The following NCOA1 variants were observed in gnomAD, a reference collection of about 807,000 sequenced individuals.
The protein encoded by NCOA1 is Hin-2 protein.
NCOA1 carries 35 observed loss-of-function variants against 150.9 expected under a neutral mutation model. The ratio of observed to expected loss-of-function variants is 0.23; its 90% CI spans 0.18 to 0.31. NCOA1 has a LOEUF of 0.31. NCOA1 is among the 10% of genes least tolerant of loss of function. NCOA1 has a pLI of 1.00. For missense variants in NCOA1, 1,491 were observed against 1,749.3 expected, an observed-to-expected ratio of 0.85 and a Z score of 2.63; for synonymous variants, 590 against 630.0, an observed-to-expected ratio of 0.94 and a Z score of 0.95.
chr2:24,752,205 C>T, intron 20 of NCOA1, 49 bp downstream of exon 20: 2 of 1,572,988 alleles, frequency 1.3e-6, no homozygotes, highest in Non-Finnish European at 1.7e-6. Flanking sequence ...TGTGATAAAT[C>T]CTTGATACTG....
chr2:24,701,226 T>C (rs1673142770), intron 11 of NCOA1, among the ~76,000 whole-genome samples: 1 of 152,068 alleles, frequency 6.6e-6, no homozygotes, highest in Non-Finnish European at 1.5e-5. Context: ...AGTAGGTGGC[T>C]GGGCACAGTA....
At chr2:24,691,157 A>G (rs1453485122) in intron 8 of NCOA1, among the ~76,000 whole-genome samples, 1 of 152,212 alleles carries the variant, frequency 6.6e-6, no homozygotes, top group East Asian at 1.9e-4. Flanking sequence ...AAACCAACTG[A>G]AAAACTCATT....
intron 1 of NCOA1, among the ~76,000 whole-genome samples, chr2:24,558,411 C>T (rs1462875195): frequency 6.6e-6 from 1 of 152,120 alleles, no homozygotes; most frequent in Non-Finnish European, 1.5e-5. Flanking sequence ...GCCCCAGAAT[C>T]ATGGCGGGAG....
rs1048275328 is a variant in NCOA1, at chr2:24,548,041, A to G, written c.-395-16254A>G. The stretch of plus-strand genomic sequence containing the variant: ...GGAATTCTATAAGGAATGCTATGAA[A>G]TGAGTGCTAAGATACACTATGTTAA... On this transcript the variant is annotated intron_variant, in intron 1 of 22. Transcript: ENST00000348332. Among the ~76,000 whole-genome samples, 9 of 151,866 alleles carry G rather than the reference A, an allele frequency of 5.9e-5. No homozygotes were observed. The South Asian group carries it at 1.2e-3, about 21-fold the overall frequency.
chr2:24,647,046 T>G (rs1181893344), intron 4 of NCOA1, among the ~76,000 whole-genome samples: 1 of 152,168 alleles, frequency 6.6e-6, no homozygotes, highest in Non-Finnish European at 1.5e-5. Context: ...ATGAATAACT[T>G]TATTTTCATG....
intron 1 of NCOA1, among the ~76,000 whole-genome samples, chr2:24,525,494 C>G (rs1473803637): frequency 6.6e-6 from 1 of 150,798 alleles, no homozygotes; most frequent in Non-Finnish European, 1.5e-5. Flanking sequence ...ACTTGATTAT[C>G]TTTAGTAATG....
intron 20 of NCOA1, among the ~76,000 whole-genome samples, chr2:24,752,503 A>G (rs1014408897): frequency 3.3e-5 from 5 of 152,220 alleles, no homozygotes; most frequent in African/African-American, 9.6e-5. Flanking sequence ...AGTCACTTCT[A>G]AGGCAAATTT....
At chr2:24,726,833 C>T (rs1356453335) in intron 15 of NCOA1, 127 bp downstream of exon 15, 2 of 278,844 alleles carry the variant, frequency 7.2e-6, no homozygotes, top group South Asian at 1.1e-4. Context: ...TAAATACTTA[C>T]TAAAAAAAAA....
chr2:24,722,422 G>C (rs1674399542), intron 14 of NCOA1, among the ~76,000 whole-genome samples: 1 of 152,148 alleles, frequency 6.6e-6, no homozygotes, highest in Non-Finnish European at 1.5e-5. Context: ...CCTATTGTTT[G>C]AGGGTAGATT....
intron 1 of NCOA1, among the ~76,000 whole-genome samples, chr2:24,559,962 T>A (rs1469299675): frequency 6.6e-6 from 1 of 152,172 alleles, no homozygotes; most frequent in African/African-American, 2.4e-5. Context: ...TCCTAGTGGC[T>A]TGAGGCTTTT....
At chr2:24,598,120 A>G (rs1442386464) in intron 3 of NCOA1, among the ~76,000 whole-genome samples, 1 of 152,116 alleles carries the variant, frequency 6.6e-6, no homozygotes, top group Non-Finnish European at 1.5e-5. Context: ...ATCCGTTTTT[A>G]TGTCTGCATA....
chr2:24,735,514 CAG>C (rs1166141298), intron 17 of NCOA1, among the ~76,000 whole-genome samples: 1 of 151,890 alleles, frequency 6.6e-6, no homozygotes, highest in Non-Finnish European at 1.5e-5. Context: ...AGTTTAAAAA[CAG>C]ATGTTGAAAA....
At chr2:24,698,271 A>G (rs1438390136) in intron 11 of NCOA1, among the ~76,000 whole-genome samples, 1 of 152,134 alleles carries the variant, frequency 6.6e-6, no homozygotes, top group African/African-American at 2.4e-5. Context: ...AAGAAGTAAT[A>G]TTTTGTTTGG....
At chr2:24,578,045 A>G (rs754314791) in intron 2 of NCOA1, among the ~76,000 whole-genome samples, 2 of 152,108 alleles carry the variant, frequency 1.3e-5, no homozygotes, top group Non-Finnish European at 2.9e-5. Context: ...GCAGTGACAT[A>G]CCTCACAACG....
intron 18 of NCOA1, 36 bp from the exon 19 acceptor site, chr2:24,741,748 A>G: frequency 1.9e-6 from 3 of 1,573,278 alleles, no homozygotes; most frequent in Non-Finnish European, 2.6e-6. Context: ...AGTGATTATA[A>G]TAATTTTAGT....
At chr2:24,552,064 T>G (rs997309070) in intron 1 of NCOA1, among the ~76,000 whole-genome samples, 2 of 152,066 alleles carry the variant, frequency 1.3e-5, no homozygotes, top group Non-Finnish European at 2.9e-5. Context: ...ATGGAAAGTC[T>G]TGAAATCAGT....
At chr2:24,619,579 T>C (rs1446517883) in intron 3 of NCOA1, among the ~76,000 whole-genome samples, 1 of 152,192 alleles carries the variant, frequency 6.6e-6, no homozygotes, top group African/African-American at 2.4e-5. Context: ...TTGACTTCAT[T>C]ATGACCTTGA....
intron 1 of NCOA1, among the ~76,000 whole-genome samples, chr2:24,545,800 C>T (rs7580975): frequency 0.81 from 122,954 of 152,188 alleles, 51,540 homozygotes; most frequent in East Asian, 0.99. Flanking sequence ...GATTTATTTA[C>T]TTATTTTTTT....
In NCOA1 at chr2:24,532,951, A is replaced by G. The variant is rs923572054; in HGVS notation, c.-395-31344A>G. Among the ~76,000 whole-genome samples the G allele has an allele frequency of 3.1e-4, 47 of 152,164 alleles. 1 individual carries two copies. Among genetic ancestry groups the G allele is most frequent in the Admixed American group, 4.6e-4 (7 of 15,282 alleles). ...GCATTGTGGGCTCTTTTTTGGTTCC[A>G]TATGAACTTCAAAGTAGTTTTTTCC... On this transcript the variant is annotated intron_variant, in intron 1 of 22. Coordinates refer to ENST00000348332, the MANE Select transcript of NCOA1 (RefSeq NM_003743.5).
Sources: allele counts gnomAD v4.1 joint callset (sites outside exome capture counted in the v4.1 genomes callset), GRCh38; gene constraint gnomAD v4.1.1; transcripts MANE v1.5; gene names NCBI Gene and HGNC (gene_info 2026-07-23, HGNC 2026-07-21).